VEPH1: variants seen among roughly 807,000 people sequenced by gnomAD.
VEPH1 encodes ventricular zone expressed PH domain containing 1.
VEPH1 carries 80 observed loss-of-function variants against 85.2 expected under a neutral mutation model. The ratio of observed to expected loss-of-function variants is 0.94; its 90% CI spans 0.78 to 1.13. VEPH1 has a LOEUF of 1.13. Ranked by LOEUF, VEPH1 falls within the 50% of genes most tolerant of loss-of-function variation. VEPH1 has a pLI of 0.00. For synonymous variants in VEPH1, 297 were observed against 348.0 expected, an observed-to-expected ratio of 0.85 and a Z score of 1.63; for missense variants, 955 against 980.5, an observed-to-expected ratio of 0.97 and a Z score of 0.35.
chr3:157,421,709 C>G (rs1050932149), intron 5 of VEPH1, among the ~76,000 whole-genome samples: 1 of 152,138 alleles, frequency 6.6e-6, no homozygotes, highest in East Asian at 1.9e-4. Context: ...AGGGTGTGCT[C>G]TAGTTCTAGG....
chr3:157,413,046 C>A (rs1040221353), intron 6 of VEPH1, among the ~76,000 whole-genome samples: 1 of 151,962 alleles, frequency 6.6e-6, no homozygotes, highest in African/African-American at 2.4e-5. Context: ...CTATGAAATT[C>A]CTTTTAAAAG....
intron 4 of VEPH1, chr3:157,438,041 A>G (rs142547726): frequency 0.029 from 15,777 of 542,500 alleles, 108 homozygotes; most frequent in Non-Finnish European, 0.035. Context: ...GCGCGCGCAC[A>G]CACACACACA....
intron 2 of VEPH1, chr3:157,493,421 G>A (rs995580762): frequency 2.8e-6 from 1 of 353,568 alleles, no homozygotes; most frequent in African/African-American, 2.2e-5. Flanking sequence ...GTAAGCCATA[G>A]AGCAGGCATG....
chr3:157,372,733 T>C (rs891610818), intron 7 of VEPH1, among the ~76,000 whole-genome samples: 20 of 152,216 alleles, frequency 1.3e-4, no homozygotes, highest in African/African-American at 4.8e-4. Flanking sequence ...TAAATTTTCA[T>C]GTCACAGACC....
Position 157,358,486 on chromosome 3 carries a change from A to T in VEPH1, c.1735+4878T>A, listed in dbSNP as rs1200050513. ...CTTCAATTCATGGATAAATTATCCTAATCCCATGATTAAACTAATCCATTA... is the reference window on the plus strand; with the variant it reads ...CTTCAATTCATGGATAAATTATCCTTATCCCATGATTAAACTAATCCATTA... On this transcript the variant is annotated intron_variant, in intron 9 of 13. Transcript: ENST00000362010. 3.9e-5 allele frequency among the ~76,000 whole-genome samples: 6 copies of T among 152,184 alleles called. No individual in the cohort carries two copies. The East Asian group carries it at 1.2e-3, about 29-fold the overall frequency.
At chr3:157,392,891 T>C (rs763646104) in intron 6 of VEPH1, among the ~76,000 whole-genome samples, 5 of 152,344 alleles carry the variant, frequency 3.3e-5, no homozygotes, top group South Asian at 4.1e-4. Flanking sequence ...TTCTTATTGG[T>C]ATAACCCCCA....
intron 12 of VEPH1, among the ~76,000 whole-genome samples, chr3:157,276,700 T>C (rs1456415868): frequency 6.6e-6 from 1 of 152,176 alleles, no homozygotes; most frequent in Non-Finnish European, 1.5e-5. Flanking sequence ...TGTGGAATTT[T>C]GCTTATTTTT....
intron 1 of VEPH1, among the ~76,000 whole-genome samples, chr3:157,502,615 A>C (rs1277286642): frequency 6.6e-6 from 1 of 152,216 alleles, no homozygotes; most frequent in Non-Finnish European, 1.5e-5. Flanking sequence ...CATGTACCAA[A>C]TATCTATATG....
Position 157,473,305 on chromosome 3 carries a change from C to CTCGTGA in VEPH1, c.139-2782_139-2777dup, listed in dbSNP as rs151047733. 7.5e-3 allele frequency among the ~76,000 whole-genome samples: 1,134 copies of CTCGTGA among 152,130 alleles called. 20 individuals are homozygous for CTCGTGA. The highest frequency in any genetic ancestry group is 0.066 in the East Asian group (343 of 5,168). On this transcript the variant is annotated intron_variant, in intron 2 of 13. Coordinates refer to ENST00000362010, the MANE Select transcript of VEPH1 (RefSeq NM_001167912.2). ...GTCAGGATGGTCTCAATCCCCTGACCTCGTGATCTGCCTGCCTTGGCCTCC... is the reference window on the plus strand; with the variant it reads ...GTCAGGATGGTCTCAATCCCCTGACCTCGTGATCGTGATCTGCCTGCCTTGGCCTCC...
intron 3 of VEPH1, among the ~76,000 whole-genome samples, chr3:157,461,916 G>A (rs1016336147): frequency 1.3e-5 from 2 of 151,776 alleles, no homozygotes; most frequent in African/African-American, 4.8e-5. Context: ...AAGTCATAAA[G>A]TGGATAAAAT....
chr3:157,442,139 T>G (rs1449118842), intron 4 of VEPH1, among the ~76,000 whole-genome samples: 4 of 152,234 alleles, frequency 2.6e-5, no homozygotes, highest in African/African-American at 9.6e-5. Flanking sequence ...ATTTGCGTGC[T>G]TTCTCTTCAT....
At chr3:157,475,405 T>C (rs899552474) in intron 2 of VEPH1, among the ~76,000 whole-genome samples, 1 of 152,230 alleles carries the variant, frequency 6.6e-6, no homozygotes, top group Non-Finnish European at 1.5e-5. Flanking sequence ...AGGTGCATTT[T>C]ACCCATTTAT....
intron 12 of VEPH1, among the ~76,000 whole-genome samples, chr3:157,268,161 A>C (rs1259007251): frequency 2.0e-5 from 3 of 152,212 alleles, no homozygotes; most frequent in Non-Finnish European, 4.4e-5. Flanking sequence ...ATTTTCCATA[A>C]ACATGGTGAT....
intron 11 of VEPH1, among the ~76,000 whole-genome samples, chr3:157,289,646 TTC>T (rs1203216942): frequency 2.0e-5 from 3 of 152,230 alleles, no homozygotes; most frequent in Non-Finnish European, 4.4e-5. Flanking sequence ...AGGTCAGTAG[TTC>T]TCTCTCCTAC....
chr3:157,385,874 A>G (rs1374474784), intron 6 of VEPH1, among the ~76,000 whole-genome samples: 1 of 152,198 alleles, frequency 6.6e-6, no homozygotes, highest in Non-Finnish European at 1.5e-5. Context: ...CCTATGCATG[A>G]CTTTGAAATA....
chr3:157,500,396 G>A (rs1328827468), intron 1 of VEPH1, among the ~76,000 whole-genome samples: 1 of 152,180 alleles, frequency 6.6e-6, no homozygotes, highest in Non-Finnish European at 1.5e-5. Flanking sequence ...GTGCTCACTA[G>A]GGTGTGTCTA....
chr3:157,497,895 G>T (rs1158042547), intron 1 of VEPH1, among the ~76,000 whole-genome samples: 1 of 152,192 alleles, frequency 6.6e-6, no homozygotes, highest in Non-Finnish European at 1.5e-5. Context: ...AAACATAGGG[G>T]TGGAGTGGGG....
chr3:157,305,655 C>G (rs1719432499), intron 11 of VEPH1, among the ~76,000 whole-genome samples: 2 of 152,190 alleles, frequency 1.3e-5, no homozygotes. Context: ...TTTTAAGACT[C>G]TTGAACTGCA....
chr3:157,426,442 T>C (rs1732760574), intron 5 of VEPH1, among the ~76,000 whole-genome samples: 1 of 152,146 alleles, frequency 6.6e-6, no homozygotes, highest in Admixed American at 6.5e-5. Flanking sequence ...ATCTGAGAAA[T>C]CAAAATAGAG....
Sources: gnomAD v4.1 joint callset for allele counts (sites outside exome capture counted in the v4.1 genomes callset) on GRCh38, gnomAD v4.1.1 for gene constraint, MANE v1.5 for transcripts, NCBI Gene and HGNC (gene_info 2026-07-23, HGNC 2026-07-21) for gene names.